Variants in NPY observed in about 807,000 individuals in gnomAD.
NPY encodes the protein neuropeptide Y, also known as pro-neuropeptide Y.
NPY carries 11 observed loss-of-function variants against 13.2 expected under a neutral mutation model. The ratio of observed to expected loss-of-function variants is 0.83; its 90% CI spans 0.52 to 1.38. NPY has a LOEUF of 1.38. Ranked by LOEUF, NPY falls within the 40% of genes most tolerant of loss-of-function variation. The probability of loss-of-function intolerance (pLI) is 0.00; values close to 1 mark genes in which losing one functional copy is unlikely to be tolerated. For missense variants in NPY, 109 were observed against 125.1 expected (o/e 0.87, Z 0.61); for synonymous variants, 51 against 55.6 (o/e 0.92, Z 0.37).
Position 24,285,161 on chromosome 7 carries a change from G to A in NPY, c.1-80G>A, listed in dbSNP as rs1787313675. On this transcript the variant is annotated intron_variant, in intron 1 of 3. Coordinates refer to ENST00000242152, the MANE Select transcript of NPY (RefSeq NM_000905.4). The surrounding 1 kb of genome is among the most constrained non-coding windows in gnomAD (Gnocchi z 4.9). ...CGCGTGTGGTAGCAGGAGGAGGAGC[G>A]CGGGGGGCAGAGGAGGGAGGTGCTG... 1 of 1,447,844 alleles carries A rather than the reference G, an allele frequency of 6.9e-7. No individual in the cohort carries two copies. The highest frequency in any genetic ancestry group is 2.3e-5 in the East Asian group (1 of 44,042). The allele number at this position is 1,447,844 out of a possible 1,614,324, so 89.7% of individuals were successfully genotyped here. A position where few individuals can be genotyped will look rare whatever the true frequency, so the allele number is the denominator to read the frequency against.
Position 24,288,453 on chromosome 7 carries a change from A to T in NPY, c.189-1046A>T, listed in dbSNP as rs551451323. Among the ~76,000 whole-genome samples the T allele has an allele frequency of 4.6e-5, 7 of 152,280 alleles. No individual in the cohort carries two copies. In the South Asian group the frequency reaches 1.5e-3, roughly 32 times the overall value. On this transcript the variant is annotated intron_variant, in intron 2 of 3. Transcript: ENST00000242152. ...AATATACCCTCTGTCAGCTTTGTTC[A>T]GTTGTTGGACCTATTAACCAATCCA...
At chr7:24,290,361 A>G (rs1211874156) in intron 3 of NPY, among the ~76,000 whole-genome samples, 1 of 152,120 alleles carries the variant, frequency 6.6e-6, no homozygotes, top group Non-Finnish European at 1.5e-5. Flanking sequence ...CAGTAAGATC[A>G]TAGTTCACAG....
At chr7:24,290,606 T>C (rs185112059) in intron 3 of NPY, among the ~76,000 whole-genome samples, 1 of 152,060 alleles carries the variant, frequency 6.6e-6, no homozygotes, top group Non-Finnish European at 1.5e-5. Flanking sequence ...GGTGTTAGTA[T>C]AGAGTTGTGA....
chr7:24,286,464 T>C (rs1404567744), intron 2 of NPY, among the ~76,000 whole-genome samples: 2 of 152,198 alleles, frequency 1.3e-5, no homozygotes, highest in Non-Finnish European at 2.9e-5. Context: ...AAATTATATG[T>C]TTAAAGTATT....
intron 1 of NPY, among the ~76,000 whole-genome samples, chr7:24,284,527 T>C (rs1003277998): frequency 1.3e-5 from 2 of 152,208 alleles, no homozygotes; most frequent in Non-Finnish European, 2.9e-5. Flanking sequence ...GCGGTTCTTC[T>C]GAGTTACCTT....
At chr7:24,286,911 C>T (rs1787408825) in intron 2 of NPY, among the ~76,000 whole-genome samples, 1 of 152,202 alleles carries the variant, frequency 6.6e-6, no homozygotes, top group Admixed American at 6.5e-5. Flanking sequence ...CAGTAGAACT[C>T]ATTTTTCCGA....
rs1787629745 is a variant in NPY, at chr7:24,291,836, T to C, written c.*149T>C. On this transcript the variant is annotated 3_prime_UTR_variant, in exon 4 of 4. Transcript: ENST00000242152. ...TTTGTCATCATTGTATATATGTGTG[T>C]TTAAATAAAGTATCATGCATTCAAA... is the stretch of plus-strand genomic sequence containing the variant. The C allele has an allele frequency of 1.3e-6, 1 of 775,714 alleles. No homozygotes were observed. The highest frequency in any genetic ancestry group is 1.7e-5 in the African/African-American group (1 of 57,592). 48.1% of individuals were successfully genotyped at this position (775,714 alleles called of 1,614,324 possible).
At position 24,285,141 on chromosome 7, in the gene NPY, G is replaced by A. The variant is rs1309132450; in HGVS notation, c.1-100G>A. 9 of 1,242,062 alleles carry A rather than the reference G, an allele frequency of 7.2e-6. No homozygotes were observed. Among genetic ancestry groups the A allele is most frequent in the South Asian group, 6.5e-5 (5 of 76,900 alleles). 76.9% of individuals were successfully genotyped at this position (1,242,062 alleles called of 1,614,324 possible). On this transcript the variant is annotated intron_variant, in intron 1 of 3. Coordinates refer to ENST00000242152, the MANE Select transcript of NPY (RefSeq NM_000905.4). The surrounding 1 kb of genome is among the most constrained non-coding windows in gnomAD (Gnocchi z 4.9). ...GACGAGAGCGGATTGGGGGTCGCGT[G>A]TGGTAGCAGGAGGAGGAGCGCGGGG... is the stretch of plus-strand genomic sequence containing the variant.
chr7:24,284,978 C>T (rs1251755652), intron 1 of NPY: 2 of 555,286 alleles, frequency 3.6e-6, no homozygotes, highest in African/African-American at 1.9e-5. Flanking sequence ...ACTCTCGCCG[C>T]GCGCTTCTTG....
At chr7:24,289,643 A>G in intron 3 of NPY, 64 bp downstream of exon 3, 1 of 1,319,496 alleles carries the variant, frequency 7.6e-7, no homozygotes, top group South Asian at 1.3e-5. Flanking sequence ...GAGGGAAGTC[A>G]GAGACAGGTG....
chr7:24,284,957 C>T (rs1373501286), intron 1 of NPY: 3 of 527,002 alleles, frequency 5.7e-6, no homozygotes, highest in Admixed American at 3.4e-5. Context: ...CTGGCGGGGC[C>T]CCCACCTTGC....
In NPY at chr7:24,291,786, T is replaced by G. The variant is rs1169518340; in HGVS notation, c.*99T>G. The stretch of plus-strand genomic sequence containing the variant: ...CCATCCTACCAATGCATGCAGCCAC[T>G]GTGCTGAATTCTGCAATGTTTTCCT... On this transcript the variant is annotated 3_prime_UTR_variant, in exon 4 of 4. Coordinates refer to ENST00000242152, the MANE Select transcript of NPY (RefSeq NM_000905.4). 5.3e-6 allele frequency: 7 copies of G among 1,321,676 alleles called. No individual in the cohort carries two copies. The East Asian group carries it at 1.1e-4, about 22-fold the overall frequency. 81.9% of individuals were successfully genotyped at this position (1,321,676 alleles called of 1,614,324 possible).
chr7:24,291,341 T>C lies in NPY; in HGVS notation c.270-322T>C, dbSNP rs547474172. On this transcript the variant is annotated intron_variant, in intron 3 of 3. Transcript: ENST00000242152. ...CAATAACTTTCCTGTCACAGCTTCA[T>C]GTGATTTCTGTAATTTTGATTTTCA... Among the ~76,000 whole-genome samples the C allele has an allele frequency of 9.2e-5, 14 of 152,302 alleles. No individual in the cohort carries two copies. The East Asian group carries it at 1.3e-3, about 15-fold the overall frequency.
chr7:24,289,544 G>A lies in NPY; in HGVS notation c.234G>A (p.Leu78=), dbSNP rs773167811. 36 of 1,610,924 alleles carry A rather than the reference G, an allele frequency of 2.2e-5. No individual in the cohort carries two copies. The highest frequency in any genetic ancestry group is 2.9e-5 in the Non-Finnish European group (34 of 1,178,514). Residue 78 remains leucine, a synonymous_variant, in exon 3 of 4, where the codon TTG becomes TTA. Coordinates refer to ENST00000242152, the MANE Select transcript of NPY (RefSeq NM_000905.4). ...SSPETLISDL[L]MRESTENVPR... ...CAGAGACACTGATTTCAGACCTCTT[G>A]ATGAGAGAAAGCACAGAAAATGTTC...
chr7:24,286,786 A>G (rs1787400036), intron 2 of NPY, among the ~76,000 whole-genome samples: 1 of 152,244 alleles, frequency 6.6e-6, no homozygotes, highest in Non-Finnish European at 1.5e-5. Context: ...AATTGATTCA[A>G]ATTCTTGCTA....
At chr7:24,290,149 T>C (rs2032778711) in intron 3 of NPY, among the ~76,000 whole-genome samples, 1 of 152,222 alleles carries the variant, frequency 6.6e-6, no homozygotes, top group East Asian at 1.9e-4. Context: ...ACAGTATTCT[T>C]AGGAGTTTAT....
chr7:24,285,415 A>G lies in NPY; in HGVS notation c.175A>G (p.Ile59Val). 6.2e-7 allele frequency: 1 copy of G among 1,612,034 alleles called. No homozygotes were observed. Among genetic ancestry groups the G allele is most frequent in the Non-Finnish European group, 8.5e-7 (1 of 1,178,512 alleles). Residue 59 changes from isoleucine to valine, a missense_variant, in exon 2 of 4, where the codon ATC (isoleucine) becomes GTC (valine). Transcript: ENST00000242152. The surrounding 1 kb of genome is among the most constrained non-coding windows in gnomAD (Gnocchi z 4.9). ...YSALRHYINL[I>V]TRQRYGKRSS... is the part of the protein sequence containing the mutation. ...GGCGCTGCGACACTACATCAACCTC[A>G]TCACCAGGCAGAGGTGGGTGGGACC...
chr7:24,290,174 C>T (rs1787548999), intron 3 of NPY, among the ~76,000 whole-genome samples: 1 of 152,170 alleles, frequency 6.6e-6, no homozygotes. Flanking sequence ...AGTCTCAGGA[C>T]TTTCTTGCAG....
At chr7:24,291,455 C>T (rs1008956491) in intron 3 of NPY, among the ~76,000 whole-genome samples, 1 of 152,178 alleles carries the variant, frequency 6.6e-6, no homozygotes, top group African/African-American at 2.4e-5. Flanking sequence ...CTGTCAACAT[C>T]GTGGAATGCT....
Sources: gnomAD v4.1 joint callset for allele counts (sites outside exome capture counted in the v4.1 genomes callset) on GRCh38, gnomAD v4.1.1 for gene constraint, Gnocchi (gnomAD v3.1) non-coding constraint, MANE v1.5 for transcripts, NCBI Gene and HGNC (gene_info 2026-07-23, HGNC 2026-07-21) for gene names.